AFF2: variants seen among roughly 807,000 people sequenced by gnomAD.
AFF2 encodes ALF transcription elongation factor 2.
In AFF2, 14 loss-of-function variants were observed where a neutral mutation model predicts 76.9. The ratio of observed to expected loss-of-function variants is 0.18; its 90% confidence interval spans 0.12 to 0.28. The LOEUF is 0.28. Ranked by LOEUF, AFF2 falls within the 10% of genes least tolerant of loss-of-function variation. The pLI, the probability that AFF2 is intolerant of heterozygous loss-of-function variation, is 1.00. For synonymous variants in AFF2, 398 were observed against 366.7 expected, an observed-to-expected ratio of 1.09 and a Z score of -0.98; for missense variants, 868 against 1,001.1, an observed-to-expected ratio of 0.87 and a Z score of 1.79.
chrX:148,595,166 A>T (rs2053560901), intron 1 of AFF2, among the ~76,000 whole-genome samples: 1 of 112,302 alleles, frequency 8.9e-6, no homozygotes, highest in African/African-American at 3.2e-5. Context: ...ATCCTGAAGG[A>T]AAATAACTTC....
intron 7 of AFF2, among the ~76,000 whole-genome samples, chrX:148,875,126 T>G (rs541722098): frequency 8.9e-6 from 1 of 112,044 alleles, no homozygotes; most frequent in South Asian, 3.8e-4. Context: ...TCAACATAAA[T>G]GTTGAATTCT....
intron 9 of AFF2, among the ~76,000 whole-genome samples, chrX:148,910,456 A>G (rs1569556931): frequency 8.9e-6 from 1 of 112,699 alleles, no homozygotes; most frequent in African/African-American, 3.2e-5. Flanking sequence ...TTTGTAAAAA[A>G]TTAAATACAA....
At chrX:148,916,196 CTTTTTTTTT>C (rs782508166) in intron 9 of AFF2, among the ~76,000 whole-genome samples, 2 of 34,038 alleles carry the variant, frequency 5.9e-5, no homozygotes, top group African/African-American at 1.2e-4. Flanking sequence ...GTGGTTTTAA[CTTTTTTTTT>C]TTTTTTTTTT....
intron 19 of AFF2, among the ~76,000 whole-genome samples, chrX:148,981,718 T>G (rs1167682807): frequency 1.8e-5 from 2 of 112,280 alleles, no homozygotes; most frequent in African/African-American, 6.5e-5. Flanking sequence ...AGCTGCTTTT[T>G]CAGTTTTTCA....
chrX:148,921,060 CT>C (rs1285489978), intron 9 of AFF2, among the ~76,000 whole-genome samples: 1 of 111,349 alleles, frequency 9.0e-6, no homozygotes, highest in African/African-American at 3.3e-5. Flanking sequence ...AGCAGGGAGT[CT>C]TTAAGCCACA....
At chrX:148,973,364 T>C in intron 15 of AFF2, 107 bp from the exon 16 acceptor site, 1 of 989,163 alleles carries the variant, frequency 1.0e-6, no homozygotes, top group Non-Finnish European at 1.4e-6. Context: ...CATTGCCAAA[T>C]GTTCCCTGTG....
chrX:148,756,296 C>T (rs2055560079), intron 3 of AFF2, among the ~76,000 whole-genome samples: 1 of 112,411 alleles, frequency 8.9e-6, no homozygotes, highest in South Asian at 3.7e-4. Flanking sequence ...ATGGCACTGG[C>T]TAAGATTGGT....
At chrX:148,686,802 T>A (rs1008944429) in intron 3 of AFF2, among the ~76,000 whole-genome samples, 10 of 111,550 alleles carry the variant, frequency 9.0e-5, no homozygotes, top group Non-Finnish European at 1.7e-4. Context: ...TTTGGGTGCA[T>A]GCCTGTATTC....
At chrX:148,627,384 TG>T (rs1219352259) in intron 1 of AFF2, among the ~76,000 whole-genome samples, 20 of 112,027 alleles carry the variant, frequency 1.8e-4, no homozygotes, top group African/African-American at 6.5e-4. Flanking sequence ...GGAGGGATTG[TG>T]GCAAGGATGG....
chrX:148,942,765 G>A (rs1179164620), intron 9 of AFF2, among the ~76,000 whole-genome samples: 4 of 106,641 alleles, frequency 3.8e-5, no homozygotes, highest in Admixed American at 1.0e-4. Context: ...GCAGTGAGTC[G>A]TGATCGCGCC....
chrX:148,578,406 A>G (rs1052127056), intron 1 of AFF2, among the ~76,000 whole-genome samples: 2 of 111,410 alleles, frequency 1.8e-5, no homozygotes, highest in Admixed American at 1.9e-4. Context: ...TCATGGTACC[A>G]GCCCCTCCCA....
intron 7 of AFF2, among the ~76,000 whole-genome samples, chrX:148,884,645 C>CT (rs1557278865): frequency 8.9e-6 from 1 of 112,402 alleles, no homozygotes; most frequent in Non-Finnish European, 1.9e-5. Context: ...CCAGTAGACT[C>CT]TATCATTTGT....
chrX:148,822,780 C>T (rs1376789294), intron 4 of AFF2, among the ~76,000 whole-genome samples: 1 of 109,109 alleles, frequency 9.2e-6, no homozygotes, highest in Non-Finnish European at 1.9e-5. Context: ...CACTCCATTC[C>T]CCAAAGCCTT....
intron 3 of AFF2, among the ~76,000 whole-genome samples, chrX:148,791,526 A>G (rs1421603787): frequency 3.6e-5 from 4 of 112,524 alleles, no homozygotes; most frequent in African/African-American, 6.5e-5. Context: ...TATCAGTTGC[A>G]AATTCAGAAA....
At chrX:148,581,597 C>T (rs1054571035) in intron 1 of AFF2, among the ~76,000 whole-genome samples, 1 of 105,332 alleles carries the variant, frequency 9.5e-6, no homozygotes, top group Non-Finnish European at 1.9e-5. Context: ...CACATATATA[C>T]GTATACGTGT....
At chrX:148,641,531 G>C (rs1557254698) in intron 1 of AFF2, among the ~76,000 whole-genome samples, 1 of 111,587 alleles carries the variant, frequency 9.0e-6, no homozygotes, top group African/African-American at 3.3e-5. Context: ...AAAAAGACAA[G>C]GTCTAGATGA....
rs184331949 is a variant in AFF2 at position 148,942,188 on chromosome X, A to T, written c.1398-11392A>T. 5.9e-4 allele frequency among the ~76,000 whole-genome samples: 63 copies of T among 107,528 alleles called. 1 individual carries two copies. The East Asian group carries it at 0.018, about 32-fold the overall frequency. The allele number at this position is 107,528 out of a possible 115,157, so 93.4% of individuals were successfully genotyped here. A position where few individuals can be genotyped will look rare whatever the true frequency, so the allele number is the denominator to read the frequency against. On this transcript the variant is annotated intron_variant, in intron 9 of 20. Transcript: ENST00000370460. ...TTGAATTTGAGCTTGAAAGATAAAG[A>T]TTTAACCAAGCAGAAGAGAGGGGAA...
At chrX:148,793,627 G>A (rs2069929579) in intron 3 of AFF2, among the ~76,000 whole-genome samples, 1 of 111,440 alleles carries the variant, frequency 9.0e-6, no homozygotes. Flanking sequence ...GAACCAAATG[G>A]AATCATGAAG....
intron 3 of AFF2, among the ~76,000 whole-genome samples, chrX:148,809,080 G>T (rs1474641161): frequency 3.6e-5 from 4 of 111,509 alleles, no homozygotes; most frequent in African/African-American, 1.3e-4. Context: ...GTGTGAAGGG[G>T]AGTTAGGAAT....
Sources: gnomAD v4.1 joint callset for allele counts (sites outside exome capture counted in the v4.1 genomes callset) on GRCh38, gnomAD v4.1.1 for gene constraint, MANE v1.5 for transcripts, NCBI Gene and HGNC (gene_info 2026-07-23, HGNC 2026-07-21) for gene names.